FAAH2: variants seen among roughly 807,000 people sequenced by gnomAD.
The protein encoded by FAAH2 is fatty acid amide hydrolase 2.
Under a neutral mutation model 36.9 loss-of-function variants are expected in FAAH2, and 60 were observed. That is an observed-to-expected ratio of 1.63 (90% confidence interval 1.32 to 2.02). The LOEUF (loss-of-function observed/expected upper bound fraction) is 2.02, where lower values mean the gene tolerates loss of function less well. Among genes scored for constraint, FAAH2 ranks in the 30% most tolerant of loss-of-function variants. The pLI, the probability that FAAH2 is intolerant of heterozygous loss-of-function variation, is 0.00. For synonymous variants in FAAH2, 214 were observed against 143.8 expected, an observed-to-expected ratio of 1.49 and a Z score of -3.49; for missense variants, 689 against 397.5, an observed-to-expected ratio of 1.73 and a Z score of -6.23.
rs758223223 is a variant in FAAH2 at position 57,442,461 on chromosome X, G to A, written c.1117-4467G>A. Among the ~76,000 whole-genome samples, 19 of 110,798 alleles carry A rather than the reference G, an allele frequency of 1.7e-4. No individual in the cohort carries two copies. In the East Asian group the frequency reaches 5.1e-3, roughly 30 times the overall value. ...GCTTTTTTTTGTTTTCCATTTGCTT[G>A]GTAGATCTTCCTCCATCCCTTTATT... On this transcript the variant is annotated intron_variant, in intron 8 of 10. Coordinates refer to ENST00000374900, the MANE Select transcript of FAAH2 (RefSeq NM_174912.4).
rs1046991993 is a variant in FAAH2, at chrX:57,289,857, G to C, written c.193-2641G>C. On this transcript the variant is annotated intron_variant, in intron 1 of 10. Transcript: ENST00000374900. ...GAAGAGAGGGGAGAAGGGAATAAGG[G>C]AGAGAGGGAGGGAAAGAGAGAGAGA... is the stretch of plus-strand genomic sequence containing the variant. Among the ~76,000 whole-genome samples, 3 of 110,394 alleles carry C rather than the reference G, an allele frequency of 2.7e-5. No individual in the cohort carries two copies. The East Asian group carries it at 8.6e-4, about 32-fold the overall frequency.
intron 2 of FAAH2, among the ~76,000 whole-genome samples, chrX:57,296,257 C>A (rs1392670570): frequency 9.0e-6 from 1 of 111,208 alleles, no homozygotes; most frequent in Non-Finnish European, 1.9e-5. Context: ...GACAAAACAT[C>A]CAGAGGAACG....
the FAAH2 span, among the ~76,000 whole-genome samples, chrX:57,181,547 A>G: frequency 3.6e-5 from 4 of 111,597 alleles, no homozygotes; most frequent in East Asian, 1.1e-3. Context: ...CTCTACAAGG[A>G]TAACTACAAA....
intron 5 of FAAH2, among the ~76,000 whole-genome samples, chrX:57,376,660 G>GTA (rs1011951297): frequency 8.9e-6 from 1 of 111,950 alleles, no homozygotes; most frequent in African/African-American, 3.2e-5. Flanking sequence ...AATTCTTTGG[G>GTA]TATAAAACCA....
At chrX:57,279,038 A>T in the FAAH2 span, among the ~76,000 whole-genome samples, 1 of 112,374 alleles carries the variant, frequency 8.9e-6, no homozygotes, top group South Asian at 3.7e-4. Flanking sequence ...TGTGGAAGAC[A>T]ATGTGGCAAT....
the FAAH2 span, among the ~76,000 whole-genome samples, chrX:57,185,192 A>T: frequency 0.011 from 1,232 of 110,642 alleles, 20 homozygotes; most frequent in African/African-American, 0.039. Flanking sequence ...TTTCTGGCTA[A>T]TTTTTTATTA....
At chrX:57,216,024 G>T in the FAAH2 span, among the ~76,000 whole-genome samples, 6 of 108,012 alleles carry the variant, frequency 5.6e-5, no homozygotes, top group Non-Finnish European at 9.6e-5. Context: ...GTGTGTACGC[G>T]TATGTGTGTG....
chrX:57,462,609 C>T (rs1029706787), intron 10 of FAAH2, among the ~76,000 whole-genome samples: 11 of 111,948 alleles, frequency 9.8e-5, no homozygotes, highest in South Asian at 3.6e-4. Context: ...AATTAAACAC[C>T]GCTTCATTCT....
At chrX:57,359,968 G>A (rs1235272526) in intron 5 of FAAH2, among the ~76,000 whole-genome samples, 1 of 106,427 alleles carries the variant, frequency 9.4e-6, no homozygotes, top group Non-Finnish European at 1.9e-5. Flanking sequence ...ATTTTTCAGG[G>A]TGTTTTTTTT....
the FAAH2 span, among the ~76,000 whole-genome samples, chrX:57,134,089 A>G: frequency 9.0e-6 from 1 of 111,027 alleles, no homozygotes. Context: ...GCTATAGGAG[A>G]AAGACTGGGG....
chrX:57,317,073 C>G (rs2052860980), intron 3 of FAAH2, among the ~76,000 whole-genome samples: 1 of 111,787 alleles, frequency 8.9e-6, no homozygotes, highest in Admixed American at 9.6e-5. Flanking sequence ...AAAAAGTGAG[C>G]AAGAGACATG....
the FAAH2 span, among the ~76,000 whole-genome samples, chrX:57,133,741 A>C: frequency 1.8e-5 from 2 of 112,356 alleles, no homozygotes; most frequent in African/African-American, 6.5e-5. Flanking sequence ...AAAGATGAAA[A>C]AAACCTGGCA....
At chrX:57,281,790 G>C (rs192090935), upstream of FAAH2, among the ~76,000 whole-genome samples, 23 of 111,251 alleles carry the variant, frequency 2.1e-4, no homozygotes, top group Non-Finnish European at 5.7e-5. Flanking sequence ...TCATTGTTTA[G>C]CTTCCACTCA....
chrX:57,229,995 C>T, the FAAH2 span, among the ~76,000 whole-genome samples: 22 of 111,858 alleles, frequency 2.0e-4, 1 homozygote, highest in East Asian at 5.1e-3. Context: ...AGCTAATGAG[C>T]ACTAGTACTA....
At chrX:57,385,836 A>G (rs1476516493) in intron 7 of FAAH2, among the ~76,000 whole-genome samples, 1 of 108,235 alleles carries the variant, frequency 9.2e-6, no homozygotes, top group Non-Finnish European at 1.9e-5. Context: ...TCAACCCGGG[A>G]GGCGGAGCTT....
intron 10 of FAAH2, among the ~76,000 whole-genome samples, chrX:57,476,048 C>A (rs1384408136): frequency 9.0e-6 from 1 of 111,435 alleles, no homozygotes; most frequent in Non-Finnish European, 1.9e-5. Flanking sequence ...GATTTTGTAT[C>A]CTGAGACTTT....
At chrX:57,347,352 G>A (rs1274199150) in intron 5 of FAAH2, among the ~76,000 whole-genome samples, 1 of 111,200 alleles carries the variant, frequency 9.0e-6, no homozygotes, top group Non-Finnish European at 1.9e-5. Context: ...GGTCTATTCT[G>A]CTGTCAATAC....
At chrX:57,133,319 T>A in the FAAH2 span, among the ~76,000 whole-genome samples, 1 of 111,039 alleles carries the variant, frequency 9.0e-6, no homozygotes, top group African/African-American at 3.3e-5. Flanking sequence ...GAAGAGTGCC[T>A]GGCAGAGAGC....
chrX:57,483,778 CTTTTTTTTTTTTTTT>C (rs755609992), intron 10 of FAAH2, among the ~76,000 whole-genome samples: 5 of 38,870 alleles, frequency 1.3e-4, no homozygotes, highest in Middle Eastern at 0.023. Context: ...CTGGGGGCAA[CTTTTTTTTTTTTTTT>C]TTTTTTTTTT....
Sources: allele counts gnomAD v4.1 joint callset (sites outside exome capture counted in the v4.1 genomes callset), GRCh38; gene constraint gnomAD v4.1.1; transcripts MANE v1.5; gene names NCBI Gene and HGNC (gene_info 2026-07-23, HGNC 2026-07-21).